Variants in DPYSL3 observed in about 807,000 individuals in gnomAD.
DPYSL3 encodes dihydropyrimidinase like 3, also known as dihydropyrimidinase-related protein 3.
A neutral mutation model predicts 66.1 loss-of-function variants in DPYSL3; 16 were observed. The ratio of observed to expected loss-of-function variants is 0.24; its 90% CI spans 0.16 to 0.37. The LOEUF (loss-of-function observed/expected upper bound fraction) is 0.37, where lower values mean the gene tolerates loss of function less well. Ranked by LOEUF, DPYSL3 falls within the 10% of genes least tolerant of loss-of-function variation. The probability of loss-of-function intolerance (pLI) is 1.00; values close to 1 mark genes in which losing one functional copy is unlikely to be tolerated. For missense variants in DPYSL3, 738 were observed against 916.2 expected (o/e 0.81, Z 2.51); for synonymous variants, 338 against 345.1 (o/e 0.98, Z 0.23).
At chr5:147,398,330 A>G (rs911364259) in intron 11 of DPYSL3, among the ~76,000 whole-genome samples, 17 of 152,210 alleles carry the variant, frequency 1.1e-4, no homozygotes, top group African/African-American at 4.1e-4. Context: ...GCCAATAATT[A>G]AGAACATCAG....
At chr5:147,449,979 TGC>T (rs1265430799) in intron 1 of DPYSL3, among the ~76,000 whole-genome samples, 1 of 152,178 alleles carries the variant, frequency 6.6e-6, no homozygotes, top group African/African-American at 2.4e-5. Context: ...AAGAAAAATA[TGC>T]CTCCCAGCAG....
Position 147,439,030 on chromosome 5 carries a change from T to C in DPYSL3, c.382-14067A>G, listed in dbSNP as rs114117238. On this transcript the variant is annotated intron_variant, in intron 1 of 13. Coordinates refer to ENST00000343218, the MANE Select transcript of DPYSL3 (RefSeq NM_001197294.2). Reference sequence around the variant, plus strand: ...CTAACAGCCTTTTGATAACCCTGTTTCCTTGACAACTGTTCTCGCCAAACC... The same window carrying C: ...CTAACAGCCTTTTGATAACCCTGTTCCCTTGACAACTGTTCTCGCCAAACC... 6.5e-3 allele frequency among the ~76,000 whole-genome samples: 987 copies of C among 152,300 alleles called. 12 individuals carry two copies. The highest frequency in any genetic ancestry group is 0.022 in the African/African-American group (913 of 41,554).
At chr5:147,423,668 T>C (rs1209836218) in intron 2 of DPYSL3, among the ~76,000 whole-genome samples, 1 of 151,234 alleles carries the variant, frequency 6.6e-6, no homozygotes, top group African/African-American at 2.4e-5. Flanking sequence ...AGTGTCAGAA[T>C]TGCTATGATT....
At chr5:147,400,102 AATG>A (rs1758127590) in intron 10 of DPYSL3, among the ~76,000 whole-genome samples, 1 of 152,254 alleles carries the variant, frequency 6.6e-6, no homozygotes, top group Non-Finnish European at 1.5e-5. Flanking sequence ...TCAACTTAAT[AATG>A]AGATAATTAT....
At chr5:147,506,297 TTG>T (rs1401530478) in intron 1 of DPYSL3, among the ~76,000 whole-genome samples, 1 of 152,120 alleles carries the variant, frequency 6.6e-6, no homozygotes, top group African/African-American at 2.4e-5. Context: ...TTAAATTAAA[TTG>T]TACCAGCATA....
intron 1 of DPYSL3, among the ~76,000 whole-genome samples, chr5:147,498,942 A>C (rs755899082): frequency 2.6e-5 from 4 of 152,092 alleles, no homozygotes; most frequent in Non-Finnish European, 5.9e-5. Flanking sequence ...CCCATTTATT[A>C]AGTTTTGCTT....
At chr5:147,418,802 C>T (rs557455835) in intron 2 of DPYSL3, among the ~76,000 whole-genome samples, 171 bp from the exon 3 acceptor site, 1 of 152,292 alleles carries the variant, frequency 6.6e-6, no homozygotes, top group African/African-American at 2.4e-5. Flanking sequence ...GATAGATATA[C>T]ACAGAAAACA....
intron 1 of DPYSL3, among the ~76,000 whole-genome samples, chr5:147,439,853 C>T (rs920234322): frequency 9.9e-5 from 15 of 152,174 alleles, no homozygotes; most frequent in African/African-American, 3.6e-4. Context: ...TGCCTGTCCA[C>T]CTCTTACCTT....
rs117458441 is a variant in DPYSL3, at chr5:147,480,202, C to A, written c.381+29276G>T. Among the ~76,000 whole-genome samples the A allele has an allele frequency of 5.3e-3, 805 of 152,316 alleles. 26 individuals are homozygous for A. In the East Asian group the frequency reaches 0.1, roughly 20 times the overall value. ...TTTGCCTGTTCCTGCCAGCATCACT[C>A]CTGTAGCGGCAGTCATCTCCGGCCT... On this transcript the variant is annotated intron_variant, in intron 1 of 13. Transcript: ENST00000343218.
chr5:147,415,990 A>G, intron 3 of DPYSL3, 117 bp from the exon 4 acceptor site: 1 of 1,222,596 alleles, frequency 8.2e-7, no homozygotes, highest in South Asian at 1.6e-5. Flanking sequence ...CTGAGCATGG[A>G]ATTAACTTTT....
At chr5:147,507,048 G>A (rs1269307814) in intron 1 of DPYSL3, among the ~76,000 whole-genome samples, 1 of 152,174 alleles carries the variant, frequency 6.6e-6, no homozygotes, top group African/African-American at 2.4e-5. Flanking sequence ...ACACAGATGT[G>A]TAGAGATGGA....
At chr5:147,445,100 T>C (rs1752606559) in intron 1 of DPYSL3, among the ~76,000 whole-genome samples, 1 of 152,202 alleles carries the variant, frequency 6.6e-6, no homozygotes, top group Non-Finnish European at 1.5e-5. Flanking sequence ...CTGCATTAAT[T>C]CTTTCAAATC....
chr5:147,417,784 T>C (rs932043622), intron 3 of DPYSL3, among the ~76,000 whole-genome samples: 1 of 152,068 alleles, frequency 6.6e-6, no homozygotes, highest in African/African-American at 2.4e-5. Context: ...GAGAAACCAC[T>C]CCTACAGCTT....
intron 1 of DPYSL3, among the ~76,000 whole-genome samples, chr5:147,498,661 G>C (rs1753557588): frequency 6.6e-6 from 1 of 152,042 alleles, no homozygotes; most frequent in Middle Eastern, 3.2e-3. Context: ...TCTCATTGTG[G>C]TTTTGATTTG....
intron 1 of DPYSL3, among the ~76,000 whole-genome samples, chr5:147,426,696 G>A (rs990856370): frequency 5.9e-5 from 9 of 152,120 alleles, no homozygotes; most frequent in Non-Finnish European, 7.3e-5. Flanking sequence ...TATGGAGGAC[G>A]GAGCCCCAAA....
At chr5:147,441,683 A>G (rs1367631602) in intron 1 of DPYSL3, among the ~76,000 whole-genome samples, 2 of 152,220 alleles carry the variant, frequency 1.3e-5, no homozygotes, top group East Asian at 1.9e-4. Flanking sequence ...AACCTATTTT[A>G]CCGTATGACC....
chr5:147,408,578 A>G (rs1561776293), intron 7 of DPYSL3, 150 bp downstream of exon 7: 2 of 740,062 alleles, frequency 2.7e-6, no homozygotes, highest in Non-Finnish European at 4.5e-6. Flanking sequence ...ATTCCTTTCT[A>G]ATTTTCTCAC....
chr5:147,411,214 T>C (rs1255254510), intron 6 of DPYSL3, among the ~76,000 whole-genome samples: 2 of 152,226 alleles, frequency 1.3e-5, no homozygotes, highest in African/African-American at 2.4e-5. Flanking sequence ...TTTGGGTGTG[T>C]GGTGGAAGTG....
intron 1 of DPYSL3, among the ~76,000 whole-genome samples, chr5:147,447,474 T>C (rs1752648551): frequency 6.6e-6 from 1 of 152,198 alleles, no homozygotes; most frequent in African/African-American, 2.4e-5. Context: ...TCCAAGGTCT[T>C]TCTTATTTGT....
Sources: gnomAD v4.1 joint callset for allele counts (sites outside exome capture counted in the v4.1 genomes callset) on GRCh38, gnomAD v4.1.1 for gene constraint, MANE v1.5 for transcripts, NCBI Gene and HGNC (gene_info 2026-07-23, HGNC 2026-07-21) for gene names.